The following ARSB variants were observed in gnomAD, a reference collection of about 807,000 sequenced individuals.
ARSB encodes the protein arylsulfatase B.
Under a neutral mutation model 50.9 loss-of-function variants are expected in ARSB, and 41 were observed. That is an observed-to-expected ratio of 0.81 (90% CI 0.63 to 1.04). The LOEUF is 1.04. ARSB is among the 50% of genes least tolerant of loss of function. The pLI is 0.00. For synonymous variants in ARSB, 269 were observed against 284.8 expected (o/e 0.94, Z 0.56); for missense variants, 672 against 693.3 (o/e 0.97, Z 0.35).
chr5:78,946,558 T>A (rs1263334137), intron 4 of ARSB, among the ~76,000 whole-genome samples: 4 of 152,048 alleles, frequency 2.6e-5, no homozygotes, highest in African/African-American at 7.2e-5. Context: ...AGTAAGTAGA[T>A]CACTACTTAA....
intron 4 of ARSB, among the ~76,000 whole-genome samples, chr5:78,905,344 G>GTGTTTTTTT (rs1554081217): frequency 7.7e-6 from 1 of 130,544 alleles, no homozygotes; most frequent in Admixed American, 8.0e-5. Context: ...GTATTTTCCT[G>GTGTTTTTTT]TTTTTTTTTT....
At chr5:78,800,468 C>A (rs934901332) in intron 6 of ARSB, among the ~76,000 whole-genome samples, 1 of 152,272 alleles carries the variant, frequency 6.6e-6, no homozygotes, top group Middle Eastern at 3.4e-3. Context: ...AGCACTCCCC[C>A]TTAACTGACC....
At chr5:78,955,148 C>A (rs929381656) in intron 4 of ARSB, 147 bp downstream of exon 4, 1 of 775,922 alleles carries the variant, frequency 1.3e-6, no homozygotes, top group Non-Finnish European at 2.2e-6. Flanking sequence ...ATATATCTTT[C>A]CATCCACAAT....
intron 4 of ARSB, among the ~76,000 whole-genome samples, chr5:78,892,047 A>C (rs769152769): frequency 6.6e-6 from 1 of 152,138 alleles, no homozygotes; most frequent in South Asian, 2.1e-4. Context: ...CTGGCATAGA[A>C]GCAGTGCTAA....
intron 6 of ARSB, among the ~76,000 whole-genome samples, chr5:78,803,893 T>C (rs16875940): frequency 0.063 from 9,607 of 152,328 alleles, 404 homozygotes; most frequent in East Asian, 0.11. Flanking sequence ...GTACTAGACG[T>C]TGTACTCCAG....
At chr5:78,912,803 A>G (rs563628464) in intron 4 of ARSB, among the ~76,000 whole-genome samples, 1 of 152,350 alleles carries the variant, frequency 6.6e-6, no homozygotes, top group African/African-American at 2.4e-5. Flanking sequence ...CTTGGGATCA[A>G]TTCACAATAC....
chr5:78,808,066 C>G (rs1238949897), intron 6 of ARSB, among the ~76,000 whole-genome samples: 1 of 130,768 alleles, frequency 7.6e-6, no homozygotes, highest in East Asian at 2.3e-4. Flanking sequence ...GCACTCCAGC[C>G]TGGGCGACAG....
At chr5:78,878,340 C>T (rs1468076306) in intron 5 of ARSB, among the ~76,000 whole-genome samples, 1 of 151,992 alleles carries the variant, frequency 6.6e-6, no homozygotes, top group African/African-American at 2.4e-5. Flanking sequence ...ACCATTTCTA[C>T]CAGATATTTA....
intron 6 of ARSB, among the ~76,000 whole-genome samples, chr5:78,784,180 A>G (rs949753094): frequency 1.3e-5 from 2 of 152,236 alleles, no homozygotes; most frequent in Non-Finnish European, 2.9e-5. Context: ...AATATATAGC[A>G]CTGTTTTATG....
chr5:78,799,916 G>A lies in ARSB; in HGVS notation c.1214-17942C>T, dbSNP rs541649878. Among the ~76,000 whole-genome samples the A allele has an allele frequency of 4.3e-4, 65 of 152,326 alleles. 1 individual carries two copies. The South Asian group carries it at 0.013, about 31-fold the overall frequency. On this transcript the variant is annotated intron_variant, in intron 6 of 7. Transcript: ENST00000264914. ...CCAGGGCAACACCCCTACACCTTGC[G>A]ACCAACCTCTTTCTTGGGGAAAGAA...
At chr5:78,911,555 C>A in intron 4 of ARSB, among the ~76,000 whole-genome samples, 1 of 119,790 alleles carries the variant, frequency 8.3e-6, no homozygotes, top group East Asian at 2.7e-4. Flanking sequence ...GCCTGGGGAA[C>A]AGAGTGAGAC....
Position 78,823,839 on chromosome 5 carries a change from T to G in ARSB, c.1213+15517A>C, listed in dbSNP as rs776283365. On this transcript the variant is annotated intron_variant, in intron 6 of 7. Transcript: ENST00000264914. ...TGGATAATCTGAAAGATAATGTAAA[T>G]TGCTATACAACTAGCTTAAATAGAA... is the stretch of plus-strand genomic sequence containing the variant. Among the ~76,000 whole-genome samples, 6 of 152,244 alleles carry G rather than the reference T, an allele frequency of 3.9e-5. 1 individual carries two copies. Among genetic ancestry groups the G allele is most frequent in the Admixed American group, 6.5e-5 (1 of 15,282 alleles).
chr5:78,940,765 C>T (rs537173240), intron 4 of ARSB, among the ~76,000 whole-genome samples: 3 of 152,190 alleles, frequency 2.0e-5, no homozygotes, highest in South Asian at 4.2e-4. Flanking sequence ...CTTGGCAATG[C>T]GGGCTCATTT....
intron 6 of ARSB, among the ~76,000 whole-genome samples, chr5:78,831,764 A>G (rs1744700125): frequency 1.3e-5 from 2 of 152,190 alleles, no homozygotes; most frequent in African/African-American, 4.8e-5. Context: ...ATTCTATGCA[A>G]TGCTGAGCAA....
At chr5:78,816,502 G>A (rs924197278) in intron 6 of ARSB, among the ~76,000 whole-genome samples, 2 of 152,182 alleles carry the variant, frequency 1.3e-5, no homozygotes, top group African/African-American at 2.4e-5. Context: ...GGGCTCCATG[G>A]TCTTCACCCC....
intron 4 of ARSB, among the ~76,000 whole-genome samples, chr5:78,952,279 T>C (rs1250268862): frequency 1.3e-5 from 2 of 152,196 alleles, no homozygotes; most frequent in Non-Finnish European, 2.9e-5. Flanking sequence ...TATTTTTCCA[T>C]TCTCAAATAT....
Position 78,956,400 on chromosome 5 carries a change from AC to A in ARSB, c.691-899del, listed in dbSNP as rs546335226. ...GAATGGTGAGTGATTGCTAACAGAT[AC>A]AAGGTTTTTTTGGGGGGATGATGAA... On this transcript the variant is annotated intron_variant, in intron 3 of 7. Transcript: ENST00000264914. Among the ~76,000 whole-genome samples the A allele has an allele frequency of 6.6e-4, 101 of 152,272 alleles. 1 individual carries two copies. In the South Asian group the frequency reaches 0.02, roughly 30 times the overall value.
Position 78,985,009 on chromosome 5 carries a change from C to T in ARSB, c.240G>A (p.Val80=), listed in dbSNP as rs368338486. The part of the protein sequence containing the change: ...PHLDALAAGG[V]LLDNYYTQPL... ...GCTGCGTGTAGTAGTTGTCCAGGAG[C>T]ACCCCGCCGGCCGCCAGCGCGTCCA... is the stretch of plus-strand genomic sequence containing the variant. The change falls in exon 1 of 8, where the codon GTG becomes GTA. Residue 80 remains valine, a synonymous_variant. Transcript: ENST00000264914. 2.4e-5 allele frequency: 37 copies of T among 1,538,714 alleles called. No individual in the cohort carries two copies. The African/African-American group carries it at 3.0e-4, about 12-fold the overall frequency.
intron 4 of ARSB, among the ~76,000 whole-genome samples, chr5:78,914,383 T>C (rs918521762): frequency 6.6e-5 from 10 of 152,236 alleles, no homozygotes; most frequent in Admixed American, 3.3e-4. Context: ...TGGTTTATTA[T>C]ACAATAAAGT....
Sources: allele counts gnomAD v4.1 joint callset (sites outside exome capture counted in the v4.1 genomes callset), GRCh38; gene constraint gnomAD v4.1.1; transcripts MANE v1.5; gene names NCBI Gene and HGNC (gene_info 2026-07-23, HGNC 2026-07-21).